The following GMDS variants were observed in gnomAD, a reference collection of about 807,000 sequenced individuals.
GMDS encodes the protein GDP-mannose 4,6 dehydratase.
GMDS carries 20 observed loss-of-function variants against 49.9 expected under a neutral mutation model. The observed-to-expected ratio is 0.40, with a 90% CI of 0.28 to 0.58. GMDS has a LOEUF of 0.58. Ranked by LOEUF, GMDS falls within the 20% of genes least tolerant of loss-of-function variation. GMDS has a pLI of 0.42. For missense variants in GMDS, 362 were observed against 481.4 expected, an observed-to-expected ratio of 0.75 and a Z score of 2.32; for synonymous variants, 177 against 178.6, an observed-to-expected ratio of 0.99 and a Z score of 0.07.
At chr6:1,743,486 G>T (rs5017130) in intron 7 of GMDS, among the ~76,000 whole-genome samples, 51,538 of 133,122 alleles carry the variant, frequency 0.39, 10,758 homozygotes, top group East Asian at 0.61. Flanking sequence ...GAGCTTGCAG[G>T]GAGCCGAGAT....
chr6:1,850,503 C>G (rs138060784), intron 7 of GMDS, among the ~76,000 whole-genome samples: 2 of 152,276 alleles, frequency 1.3e-5, no homozygotes, highest in Admixed American at 6.5e-5. Flanking sequence ...ACCCTGAATG[C>G]ACCTGTTAAT....
intron 7 of GMDS, among the ~76,000 whole-genome samples, chr6:1,849,142 C>G (rs1050296974): frequency 1.3e-5 from 2 of 152,206 alleles, no homozygotes; most frequent in Non-Finnish European, 2.9e-5. Context: ...AAGCAAGTTT[C>G]TTTCTTCCTG....
chr6:2,218,829 A>G (rs1454459211), intron 1 of GMDS, among the ~76,000 whole-genome samples: 1 of 152,216 alleles, frequency 6.6e-6, no homozygotes, highest in Non-Finnish European at 1.5e-5. Flanking sequence ...TATGAAACTG[A>G]GGTTTGTAGA....
intron 1 of GMDS, among the ~76,000 whole-genome samples, chr6:2,211,257 G>A (rs1780049093): frequency 6.6e-6 from 1 of 152,088 alleles, no homozygotes; most frequent in Admixed American, 6.6e-5. Flanking sequence ...TGTTTTTTGG[G>A]GATGTGCATT....
chr6:2,139,319 A>G (rs1372391554), intron 1 of GMDS, among the ~76,000 whole-genome samples: 1 of 152,256 alleles, frequency 6.6e-6, no homozygotes, highest in Admixed American at 6.5e-5. Flanking sequence ...AGAACACAGA[A>G]AAAGTATATA....
At chr6:1,853,256 T>C (rs917044829) in intron 7 of GMDS, among the ~76,000 whole-genome samples, 13 of 151,484 alleles carry the variant, frequency 8.6e-5, no homozygotes, top group East Asian at 2.0e-4. Context: ...CGGTGGCTCA[T>C]GCCTGTAATC....
chr6:2,045,766 A>T (rs1262944647), intron 4 of GMDS, among the ~76,000 whole-genome samples: 1 of 143,664 alleles, frequency 7.0e-6, no homozygotes, highest in Non-Finnish European at 1.6e-5. Flanking sequence ...AGCTAGCCCC[A>T]GTCAAAAAAA....
At chr6:2,135,821 CAT>C (rs947508972) in intron 1 of GMDS, among the ~76,000 whole-genome samples, 15 of 152,208 alleles carry the variant, frequency 9.9e-5, no homozygotes, top group Admixed American at 6.5e-4. Flanking sequence ...GTTTTATGCA[CAT>C]GTTAATAAAA....
At chr6:2,046,888 G>C (rs1443199654) in intron 4 of GMDS, among the ~76,000 whole-genome samples, 1 of 152,140 alleles carries the variant, frequency 6.6e-6, no homozygotes, top group Non-Finnish European at 1.5e-5. Context: ...CAGCGATAAA[G>C]AAATATGGGC....
intron 9 of GMDS, among the ~76,000 whole-genome samples, chr6:1,704,802 T>A (rs1765672983): frequency 6.6e-6 from 1 of 151,816 alleles, no homozygotes; most frequent in Non-Finnish European, 1.5e-5. Flanking sequence ...TGGATTAATA[T>A]TAAGGCCACC....
chr6:2,017,950 G>T (rs1386869029), intron 4 of GMDS, among the ~76,000 whole-genome samples: 1 of 152,082 alleles, frequency 6.6e-6, no homozygotes, highest in African/African-American at 2.4e-5. Context: ...GGTATACTTG[G>T]TAAAGAATTA....
intron 1 of GMDS, among the ~76,000 whole-genome samples, chr6:2,135,998 G>GATAT (rs1309517212): frequency 6.6e-6 from 1 of 152,106 alleles, no homozygotes; most frequent in African/African-American, 2.4e-5. Flanking sequence ...ACATACCTAG[G>GATAT]ATATATGATA....
At chr6:2,066,309 A>C (rs1336816312) in intron 4 of GMDS, among the ~76,000 whole-genome samples, 1 of 147,286 alleles carries the variant, frequency 6.8e-6, no homozygotes, top group Non-Finnish European at 1.5e-5. Flanking sequence ...GCCACTGCAA[A>C]ATCATGCCAA....
At chr6:2,014,113 T>C (rs1199407416) in intron 4 of GMDS, among the ~76,000 whole-genome samples, 11 of 118,666 alleles carry the variant, frequency 9.3e-5, no homozygotes, top group Admixed American at 2.6e-4. Context: ...AACAAAATTA[T>C]CCCCCCCCCC....
At chr6:1,889,533 T>G (rs1262260482) in intron 7 of GMDS, among the ~76,000 whole-genome samples, 1 of 152,154 alleles carries the variant, frequency 6.6e-6, no homozygotes, top group African/African-American at 2.4e-5. Context: ...GAACTTCACG[T>G]TTCCCTCTGG....
At chr6:2,043,241 A>C (rs1016583365) in intron 4 of GMDS, 7 of 152,238 alleles carry the variant, frequency 4.6e-5, no homozygotes, top group African/African-American at 1.7e-4. Context: ...AGGTTACATC[A>C]CTGTTGAAAA....
intron 6 of GMDS, among the ~76,000 whole-genome samples, chr6:1,952,770 G>C (rs1198307594): frequency 6.6e-6 from 1 of 152,110 alleles, no homozygotes; most frequent in Non-Finnish European, 1.5e-5. Flanking sequence ...CACAGGGAGA[G>C]AGAATGCTTT....
intron 7 of GMDS, among the ~76,000 whole-genome samples, chr6:1,796,552 G>A (rs796203341): frequency 2.0e-5 from 3 of 152,248 alleles, no homozygotes; most frequent in African/African-American, 4.8e-5. Flanking sequence ...ATTTGATGCT[G>A]TTTTGGAAAA....
chr6:1,907,803 G>T (rs1281043905), intron 7 of GMDS, among the ~76,000 whole-genome samples: 1 of 152,162 alleles, frequency 6.6e-6, no homozygotes, highest in African/African-American at 2.4e-5. Context: ...ATATAAAAGA[G>T]ACAATAACTG....
Sources: gnomAD v4.1 joint callset for allele counts (sites outside exome capture counted in the v4.1 genomes callset) on GRCh38, gnomAD v4.1.1 for gene constraint, MANE v1.5 for transcripts, NCBI Gene and HGNC (gene_info 2026-07-23, HGNC 2026-07-21) for gene names.